SQSTM1: variants seen among roughly 807,000 people sequenced by gnomAD.
SQSTM1 encodes the protein sequestosome 1.
Under a neutral mutation model 45.1 loss-of-function variants are expected in SQSTM1, and 36 were observed. The observed-to-expected ratio is 0.80, with a 90% CI of 0.61 to 1.05. The LOEUF (loss-of-function observed/expected upper bound fraction) is 1.05, where lower values mean the gene tolerates loss of function less well. Among genes scored for constraint, SQSTM1 ranks in the 50% least tolerant of loss-of-function variants. The pLI, the probability that SQSTM1 is intolerant of heterozygous loss-of-function variation, is 0.00. For missense variants in SQSTM1, 617 were observed against 607.1 expected, an observed-to-expected ratio of 1.02 and a Z score of -0.17; for synonymous variants, 290 against 244.3, an observed-to-expected ratio of 1.19 and a Z score of -1.74.
chr5:179,828,601 C>T (rs1582014469), intron 5 of SQSTM1, among the ~76,000 whole-genome samples: 1 of 152,044 alleles, frequency 6.6e-6, no homozygotes, highest in African/African-American at 2.4e-5. Flanking sequence ...CTCGAACTCC[C>T]GACCTCAGGT....
chr5:179,827,787 A>G (rs1459861348), intron 5 of SQSTM1, among the ~76,000 whole-genome samples: 1 of 152,230 alleles, frequency 6.6e-6, no homozygotes, highest in Non-Finnish European at 1.5e-5. Flanking sequence ...GAGGAACTAT[A>G]AGCTGGATGA....
At chr5:179,825,534 T>G (rs1757954734) in intron 5 of SQSTM1, among the ~76,000 whole-genome samples, 1 of 152,220 alleles carries the variant, frequency 6.6e-6, no homozygotes, top group South Asian at 2.1e-4. Context: ...TGCCCTCCTT[T>G]GGATGAACAA....
chr5:179,821,227 C>A, intron 1 of SQSTM1, 86 bp downstream of exon 1: 1 of 1,231,326 alleles, frequency 8.1e-7, no homozygotes, highest in Non-Finnish European at 1.0e-6. Flanking sequence ...CCCTTCTCGG[C>A]GACGCCTGGC....
intron 1 of SQSTM1, chr5:179,821,442 C>T (rs1253741195): frequency 3.3e-6 from 2 of 606,542 alleles, no homozygotes; most frequent in Non-Finnish European, 6.1e-6. Context: ...CCACCCCCCG[C>T]GCTGTTGGGG....
At position 179,822,966 on chromosome 5, in the gene SQSTM1, G is replaced by A. The variant is rs376802604; in HGVS notation, c.214G>A (p.Gly72Arg). The change falls in exon 2 of 8, where the codon GGG becomes AGG. Residue 72 changes from glycine to arginine, a missense_variant. Physicochemically the swap from Gly to Arg is moderately radical, Grantham distance 125. Transcript: ENST00000389805. ...TCTTTTAAACAATCTAGATGAGGAC[G>A]GGGACTTGGTTGCCTTTTCCAGTGA... ...GFQAHYRDED[G>R]DLVAFSSDEE... 2.7e-5 allele frequency: 44 copies of A among 1,613,948 alleles called. No individual in the cohort carries two copies. In the African/African-American group the frequency reaches 3.9e-4, roughly 14 times the overall value.
At chr5:179,829,366 G>T (rs958889998) in intron 5 of SQSTM1, among the ~76,000 whole-genome samples, 4 of 152,216 alleles carry the variant, frequency 2.6e-5, no homozygotes. Flanking sequence ...GGGAAAGTTA[G>T]TGATGGCGCT....
Position 179,820,909 on chromosome 5 carries a change from C to A in SQSTM1, c.-28C>A, listed in dbSNP as rs754689970. ...CGCGCGGCGGCTGCGACCGGGACGG[C>A]CCGTTTTCCGCCAGCTCGCCGCTCG... is the stretch of plus-strand genomic sequence containing the variant. On this transcript the variant is annotated 5_prime_UTR_variant, in exon 1 of 8. Transcript: ENST00000389805. The A allele has an allele frequency of 1.3e-6, 2 of 1,492,712 alleles. No individual in the cohort carries two copies. Among genetic ancestry groups the A allele is most frequent in the Non-Finnish European group, 1.8e-6 (2 of 1,119,578 alleles). 92.5% of individuals were successfully genotyped at this position (1,492,712 alleles called of 1,614,324 possible).
chr5:179,820,843 C>G (rs889531486), upstream of SQSTM1: 9 of 1,256,584 alleles, frequency 7.2e-6, no homozygotes, highest in Admixed American at 3.6e-5. Context: ...GACTCCGCCC[C>G]TCTCGAGGCG....
At chr5:179,822,898 G>A in intron 1 of SQSTM1, 60 bp from the exon 2 acceptor site, 2 of 1,453,900 alleles carry the variant, frequency 1.4e-6, no homozygotes, top group Non-Finnish European at 1.9e-6. Context: ...GCCCATTCCA[G>A]CAGCTTATGT....
chr5:179,821,500 A>T (rs953968425), intron 1 of SQSTM1: 1 of 521,972 alleles, frequency 1.9e-6, no homozygotes, highest in South Asian at 1.5e-5. Flanking sequence ...CTCCGCGGGC[A>T]CTGGGTGGTC....
chr5:179,835,031 G>A (rs1225487003), intron 7 of SQSTM1: 51 of 219,244 alleles, frequency 2.3e-4, no homozygotes, highest in African/African-American at 6.0e-4. Context: ...CGGGCGGAGG[G>A]TCTCCTCACT....
At position 179,836,829 on chromosome 5, in the gene SQSTM1, C is replaced by T. The variant is rs937920044; in HGVS notation, c.*236C>T. 1.9e-5 allele frequency: 13 copies of T among 683,094 alleles called. No homozygotes were observed. The highest frequency in any genetic ancestry group is 3.9e-4 in the Middle Eastern group (1 of 2,550). 42.3% of individuals were successfully genotyped at this position (683,094 alleles called of 1,614,324 possible). A position where few individuals can be genotyped will look rare whatever the true frequency, so the allele number is the denominator to read the frequency against. On this transcript the variant is annotated 3_prime_UTR_variant, in exon 8 of 8. Transcript: ENST00000389805. ...GCTCCTTGCAGCAGGGCTGGGCCTG[C>T]GAGACCCAAGGCTCACTGCAGCGCG... is the stretch of plus-strand genomic sequence containing the variant.
At position 179,824,160 on chromosome 5, in the gene SQSTM1, G is replaced by T. The variant is rs952947100; in HGVS notation, c.532-22G>T. The T allele has an allele frequency of 6.2e-6, 10 of 1,613,584 alleles. No homozygotes were observed. In the East Asian group the frequency reaches 2.2e-4, roughly 36 times the overall value. ...AACCTTGACCCGCTCACTGCCTGCCGCTCTGCTAATTCCTCCCCCAGGGCT... is the reference window on the plus strand; with the variant it reads ...AACCTTGACCCGCTCACTGCCTGCCTCTCTGCTAATTCCTCCCCCAGGGCT... On this transcript the variant is annotated intron_variant, in intron 3 of 7. Coordinates refer to ENST00000389805, the MANE Select transcript of SQSTM1 (RefSeq NM_003900.5).
At chr5:179,821,761 T>C in intron 1 of SQSTM1, 1 of 325,462 alleles carries the variant, frequency 3.1e-6, no homozygotes, top group Non-Finnish European at 6.0e-6. Context: ...TCTTCAGAAG[T>C]GTTGGTGTTG....
chr5:179,818,012 CAAAAA>C (rs528143529), upstream of SQSTM1, among the ~76,000 whole-genome samples: 14 of 29,188 alleles, frequency 4.8e-4, no homozygotes, highest in Admixed American at 1.6e-3. Context: ...GAGACTGTCT[CAAAAA>C]AAAAAAAAAA....
In SQSTM1 at chr5:179,833,090, C is replaced by G. The variant is rs369606717; in HGVS notation, c.813C>G (p.Val271=). The G allele has an allele frequency of 5.0e-6, 8 of 1,614,092 alleles. 1 individual carries two copies. The South Asian group carries it at 8.8e-5, about 18-fold the overall frequency. Residue 271 remains valine, a synonymous_variant, in exon 6 of 8, where the codon GTC becomes GTG. Transcript: ENST00000389805. ...GGAAAAGAAGCCGCCTGACCCCCGT[C>G]TCTCCAGAGAGTTCCAGCACAGAGG... is the stretch of plus-strand genomic sequence containing the variant. The part of the protein sequence containing the change: ...HGGKRSRLTP[V]SPESSSTEEK...
chr5:179,835,192 AC>A, intron 7 of SQSTM1: 1 of 197,756 alleles, frequency 5.1e-6, no homozygotes, highest in South Asian at 5.9e-5. Context: ...GACGCTCCTC[AC>A]TTTCCAGACT....
In SQSTM1 at chr5:179,825,180, C is replaced by G. The variant is rs1201000460; in HGVS notation, c.708C>G (p.Phe236Leu). 1 of 1,613,978 alleles carries G rather than the reference C, an allele frequency of 6.2e-7. No individual in the cohort carries two copies. The highest frequency in any genetic ancestry group is 8.5e-7 in the Non-Finnish European group (1 of 1,180,038). ...SGPSEDPSVN[F>L]LKNVGESVAA... ...CATCGGAGGATCCGAGTGTGAATTT[C>G]CTGAAGAACGTTGGGGAGAGTGTGG... The change falls in exon 5 of 8, where the codon TTC (phenylalanine) becomes TTG (leucine). Residue 236 changes from phenylalanine to leucine, a missense_variant. By Grantham distance (22) the Phe-to-Leu change is conservative. Coordinates refer to ENST00000389805, the MANE Select transcript of SQSTM1 (RefSeq NM_003900.5).
In SQSTM1 at chr5:179,833,214, A is replaced by G. The variant is rs1195166145; in HGVS notation, c.937A>G (p.Lys313Glu). Residue 313 changes from lysine (K) to glutamate (E), a missense_variant, in exon 6 of 8, where the codon AAG becomes GAG. Lys to Glu is a moderately conservative substitution (Grantham distance 56). Transcript: ENST00000389805. ...ATQSLAEQMRKIALESEGRPE... is the reference protein window; with the variant it reads ...ATQSLAEQMREIALESEGRPE... ...GCAGTCTCTGGCGGAGCAGATGAGG[A>G]AGATCGCCTTGGAGTCCGAGGGGCG... 1.2e-6 allele frequency: 2 copies of G among 1,607,206 alleles called. No individual in the cohort carries two copies. Among genetic ancestry groups the G allele is most frequent in the Non-Finnish European group, 8.5e-7 (1 of 1,177,402 alleles).
Sources: gnomAD v4.1 joint callset for allele counts (sites outside exome capture counted in the v4.1 genomes callset) on GRCh38, gnomAD v4.1.1 for gene constraint, MANE v1.5 for transcripts, NCBI Gene and HGNC (gene_info 2026-07-23, HGNC 2026-07-21) for gene names.